PCDHGA1: variants seen among roughly 807,000 people sequenced by gnomAD.
PCDHGA1 encodes the protein protocadherin gamma-A1.
PCDHGA1 carries 32 observed loss-of-function variants against 58.0 expected under a neutral mutation model. That is an observed-to-expected ratio of 0.55 (90% CI 0.42 to 0.74). The LOEUF is 0.74. Ranked by LOEUF, PCDHGA1 falls within the 30% of genes least tolerant of loss-of-function variation. The pLI, the probability that PCDHGA1 is intolerant of heterozygous loss-of-function variation, is 0.00. For missense variants in PCDHGA1, 1,205 were observed against 1,182.3 expected (o/e 1.02, Z -0.28); for synonymous variants, 498 against 501.1 (o/e 0.99, Z 0.08).
intron 1 of PCDHGA1, among the ~76,000 whole-genome samples, chr5:141,479,914 G>T (rs2099509746): frequency 6.6e-6 from 1 of 152,148 alleles, no homozygotes; most frequent in South Asian, 2.1e-4. Context: ...CTGTTATTTT[G>T]TTACTCAGTG....
At chr5:141,506,680 A>G (rs949777571) in intron 3 of PCDHGA1, among the ~76,000 whole-genome samples, 1 of 152,212 alleles carries the variant, frequency 6.6e-6, no homozygotes, top group Non-Finnish European at 1.5e-5. Context: ...ATATATTATT[A>G]TCTTTGCTGA....
chr5:141,331,185 C>A lies in PCDHGA1; in HGVS notation c.501C>A (p.Leu167=). 6.2e-7 allele frequency: 1 copy of A among 1,614,088 alleles called. No homozygotes were observed. The highest frequency in any genetic ancestry group is 1.1e-5 in the South Asian group (1 of 91,084). The change falls in exon 1 of 4, where the codon CTC becomes CTA. Residue 167 remains leucine, a synonymous_variant. Transcript: ENST00000517417. ...ACCTTGATGTGGGTATGAACTCACT[C>A]CAGAGCTACCAACTCAGCTCTAACC... ...GQDLDVGMNS[L]QSYQLSSNPH... is the part of the protein sequence containing the mutation.
chr5:141,500,641 TA>T (rs1306300025), intron 2 of PCDHGA1, among the ~76,000 whole-genome samples: 4 of 152,346 alleles, frequency 2.6e-5, no homozygotes, highest in Middle Eastern at 3.4e-3. Flanking sequence ...ACTAGTTTTT[TA>T]AAAATAGCAA....
chr5:141,439,790 C>G (rs2098131627), intron 1 of PCDHGA1: 2 of 152,248 alleles, frequency 1.3e-5, no homozygotes, highest in Non-Finnish European at 2.9e-5. Flanking sequence ...TTCTATAATC[C>G]AAGAAGAGTT....
intron 1 of PCDHGA1, chr5:141,424,706 T>G (rs752721357): frequency 4.6e-5 from 7 of 152,190 alleles, no homozygotes; most frequent in Non-Finnish European, 8.8e-5. Context: ...TTTGTTCATT[T>G]TCAGTGTAGT....
rs1304554303 is a variant in PCDHGA1, at chr5:141,403,611, C to G, written c.2421+70506C>G. 3 of 1,613,860 alleles carry G rather than the reference C, an allele frequency of 1.9e-6. No homozygotes were observed. The highest frequency in any genetic ancestry group is 2.5e-6 in the Non-Finnish European group (3 of 1,179,892). Reference sequence around the variant, plus strand: ...CTCACGGCCTCGGATGGCGGCGAGCCGCGTCGCTCCAGCACAGTGCGCATC... The same window carrying G: ...CTCACGGCCTCGGATGGCGGCGAGCGGCGTCGCTCCAGCACAGTGCGCATC... On this transcript the variant is annotated intron_variant, in intron 1 of 3. Transcript: ENST00000517417.
chr5:141,473,308 A>G (rs1248143328), intron 1 of PCDHGA1, among the ~76,000 whole-genome samples: 1 of 152,234 alleles, frequency 6.6e-6, no homozygotes, highest in Non-Finnish European at 1.5e-5. Context: ...AGATTGCTAT[A>G]TTAATAAGCA....
At chr5:141,342,088 A>T (rs140945996) in intron 1 of PCDHGA1, 1 of 131,250 alleles carries the variant, frequency 7.6e-6, no homozygotes, top group African/African-American at 2.9e-5. Context: ...AAAGCTGTAG[A>T]GTGGTAATAA....
In PCDHGA1 at chr5:141,331,446, C is replaced by T. The variant is rs777235141; in HGVS notation, c.762C>T (p.Asn254=). 28 of 1,614,022 alleles carry T rather than the reference C, an allele frequency of 1.7e-5. No homozygotes were observed. Among genetic ancestry groups the T allele is most frequent in the African/African-American group, 2.7e-5 (2 of 74,904 alleles). Residue 254 remains asparagine, a synonymous_variant, in exon 1 of 4, where the codon AAC becomes AAT. Transcript: ENST00000517417. ...AATACCATATAAATGTCCCCGAAAACGTGCCGCTGGGTACTCAGCTGCTCA... is the reference window on the plus strand; with the variant it reads ...AATACCATATAAATGTCCCCGAAAATGTGCCGCTGGGTACTCAGCTGCTCA... ...QAQYHINVPE[N]VPLGTQLLMV...
At chr5:141,433,085 G>A in intron 1 of PCDHGA1, 1 of 1,614,170 alleles carries the variant, frequency 6.2e-7, no homozygotes, top group Non-Finnish European at 8.5e-7. Flanking sequence ...GCCCAACTAT[G>A]CAGACATGCT....
chr5:141,486,019 T>C lies in PCDHGA1; in HGVS notation c.2422-8788T>C, dbSNP rs2078071. 3.2e-3 allele frequency: 5,143 copies of C among 1,613,986 alleles called. 141 individuals carry two copies. In the South Asian group the frequency reaches 0.046, roughly 14 times the overall value. ...GTGGTAACGTCACCTTTTATTTCAG[T>C]GGTCATACCCCTGATCGTGTAAGAA... On this transcript the variant is annotated intron_variant, in intron 1 of 3. Transcript: ENST00000517417. The surrounding 1 kb of genome is among the most constrained non-coding windows in gnomAD (Gnocchi z 5.0).
rs764976894 is a variant in PCDHGA1, at chr5:141,476,238, G to T, written c.2422-18569G>T. On this transcript the variant is annotated intron_variant, in intron 1 of 3. Transcript: ENST00000517417. The surrounding 1 kb of genome is among the most constrained non-coding windows in gnomAD (Gnocchi z 7.6). ...ATTCACTATGAGATCCCGGAGGAAA[G>T]AGAGAAGGGTTTCGCTGTGGGCAAC... is the stretch of plus-strand genomic sequence containing the variant. The T allele has an allele frequency of 3.1e-6, 5 of 1,614,098 alleles. No individual in the cohort carries two copies. The highest frequency in any genetic ancestry group is 4.2e-6 in the Non-Finnish European group (5 of 1,180,012).
At chr5:141,445,768 T>A (rs2098476928) in intron 1 of PCDHGA1, among the ~76,000 whole-genome samples, 1 of 152,074 alleles carries the variant, frequency 6.6e-6, no homozygotes, top group Admixed American at 6.6e-5. Context: ...CTCAAGCAAT[T>A]TAAAAGGGCT....
At chr5:141,397,813 A>G (rs2093571371) in intron 1 of PCDHGA1, among the ~76,000 whole-genome samples, 2 of 152,216 alleles carry the variant, frequency 1.3e-5, no homozygotes, top group Non-Finnish European at 2.9e-5. Flanking sequence ...GCACACAAAA[A>G]CAATTACTGC....
chr5:141,345,624 C>T (rs982892208), intron 1 of PCDHGA1: 1 of 1,614,210 alleles, frequency 6.2e-7, no homozygotes, highest in East Asian at 2.2e-5. Flanking sequence ...CTTAAAGCTA[C>T]TGGTGACAGC....
intron 1 of PCDHGA1, chr5:141,419,779 G>A (rs1439735185): frequency 1.2e-6 from 2 of 1,614,064 alleles, no homozygotes; most frequent in Non-Finnish European, 8.5e-7. Flanking sequence ...CGGTCCGCCA[G>A]CGCCTGCTAG....
chr5:141,509,148 C>T (rs1345910772), intron 3 of PCDHGA1, among the ~76,000 whole-genome samples: 1 of 152,198 alleles, frequency 6.6e-6, no homozygotes, highest in Non-Finnish European at 1.5e-5. Context: ...CATCCCGGCT[C>T]TCCCCTCCCG....
chr5:141,389,875 A>G (rs753159908), intron 1 of PCDHGA1: 2 of 1,613,946 alleles, frequency 1.2e-6, no homozygotes, highest in African/African-American at 2.7e-5. Flanking sequence ...GTCTTCGCCG[A>G]CAGCTTGCAG....
At chr5:141,346,488 A>C (rs201709248) in intron 1 of PCDHGA1, 105 of 1,612,830 alleles carry the variant, frequency 6.5e-5, no homozygotes, top group Admixed American at 1.8e-4. Context: ...GATTATTAAG[A>C]ACAAATATGA....
Sources: allele counts gnomAD v4.1 joint callset (sites outside exome capture counted in the v4.1 genomes callset), GRCh38; gene constraint gnomAD v4.1.1; non-coding constraint Gnocchi (gnomAD v3.1); transcripts MANE v1.5; gene names NCBI Gene and HGNC (gene_info 2026-07-23, HGNC 2026-07-21).